The following PRUNE1 variants were observed in gnomAD, a reference collection of about 807,000 sequenced individuals.
PRUNE1 encodes the protein exopolyphosphatase PRUNE1.
Under a neutral mutation model 42.5 loss-of-function variants are expected in PRUNE1, and 25 were observed. The observed-to-expected ratio is 0.59, with a 90% CI of 0.43 to 0.82. The LOEUF is 0.82. Ranked by LOEUF, PRUNE1 falls within the 40% of genes least tolerant of loss-of-function variation. PRUNE1 has a pLI of 0.00. For missense variants in PRUNE1, 443 were observed against 539.3 expected, an observed-to-expected ratio of 0.82 and a Z score of 1.77; for synonymous variants, 203 against 217.1, an observed-to-expected ratio of 0.93 and a Z score of 0.57.
chr1:151,012,184 G>T (rs980914862), intron 1 of PRUNE1, among the ~76,000 whole-genome samples: 1 of 151,930 alleles, frequency 6.6e-6, no homozygotes, highest in East Asian at 1.9e-4. Context: ...TCCTCATGCT[G>T]CTAAGTATAG....
chr1:151,019,822 A>G (rs114755120), intron 3 of PRUNE1, among the ~76,000 whole-genome samples: 2,756 of 146,052 alleles, frequency 0.019, 99 homozygotes, highest in African/African-American at 0.066. Context: ...TTTTAATTTT[A>G]ATTTTAATTA....
At chr1:151,024,587 T>C in intron 3 of PRUNE1, 24 bp from the exon 4 acceptor site, 15 of 1,575,998 alleles carry the variant, frequency 9.5e-6, no homozygotes, top group African/African-American at 1.3e-5. Flanking sequence ...TTCTTCCTCT[T>C]TTCCCATACC....
rs1055463975 is a variant in PRUNE1 at position 151,027,208 on chromosome 1, C to G, written c.680-25C>G. The G allele has an allele frequency of 7.1e-6, 11 of 1,553,560 alleles. No individual in the cohort carries two copies. In the African/African-American group the frequency reaches 1.1e-4, roughly 15 times the overall value. ...GGGACCCTGGCCTACCCTGTTTGAC[C>G]CCTAGTCTCTCATCTGCTTTCTAGG... is the stretch of plus-strand genomic sequence containing the variant. On this transcript the variant is annotated intron_variant, in intron 5 of 7. Coordinates refer to ENST00000271620, the MANE Select transcript of PRUNE1 (RefSeq NM_021222.3).
chr1:151,016,159 C>A (rs3002292), intron 1 of PRUNE1, among the ~76,000 whole-genome samples: 7,171 of 152,102 alleles, frequency 0.047, 215 homozygotes, highest in Non-Finnish European at 0.073. Context: ...ATTGCTTGAA[C>A]CCAGGAGGTG....
Position 151,025,693 on chromosome 1 carries a change from T to G in PRUNE1, c.679+20T>G, listed in dbSNP as rs1674786660. The G allele has an allele frequency of 6.3e-7, 1 of 1,597,990 alleles. No individual in the cohort carries two copies. Among genetic ancestry groups the G allele is most frequent in the African/African-American group, 1.4e-5 (1 of 73,930 alleles). On this transcript the variant is annotated intron_variant, in intron 5 of 7. Transcript: ENST00000271620. The stretch of plus-strand genomic sequence containing the variant: ...TATCAGGTATGAAATGTTAGCTGAC[T>G]TTTCTGCCTCCCAGATAAGAAAACA...
intron 3 of PRUNE1, chr1:151,022,809 C>G (rs998706885): frequency 2.0e-5 from 3 of 152,064 alleles, no homozygotes; most frequent in African/African-American, 7.2e-5. Flanking sequence ...CTAATCTTCT[C>G]TGTGTCATTC....
Position 151,027,274 on chromosome 1 carries a change from A to G in PRUNE1, c.721A>G (p.Ile241Val). The change falls in exon 6 of 8, where the codon ATC becomes GTC. Residue 241 changes from isoleucine (I) to valine (V), a missense_variant. Ile to Val is a conservative substitution (Grantham distance 29). Coordinates refer to ENST00000271620, the MANE Select transcript of PRUNE1 (RefSeq NM_021222.3). ...GATGCTGAGAAAAGACCAGAAGACT[A>G]TCTATAGACAAGGCGTCAAGGTGGC... is the stretch of plus-strand genomic sequence containing the variant. ...EQMLRKDQKT[I>V]YRQGVKVAIS... is the part of the protein sequence containing the mutation. 1 of 1,611,894 alleles carries G rather than the reference A, an allele frequency of 6.2e-7. No individual in the cohort carries two copies. The highest frequency in any genetic ancestry group is 8.5e-7 in the Non-Finnish European group (1 of 1,178,068).
Position 151,024,812 on chromosome 1 carries a change from G to T in PRUNE1, c.520+17G>T, listed in dbSNP as rs368367937. The T allele has an allele frequency of 4.0e-5, 64 of 1,597,656 alleles. No individual in the cohort carries two copies. The highest frequency in any genetic ancestry group is 5.4e-5 in the Non-Finnish European group (63 of 1,171,030). On this transcript the variant is annotated intron_variant, in intron 4 of 7. Coordinates refer to ENST00000271620, the MANE Select transcript of PRUNE1 (RefSeq NM_021222.3). ...TTCTGCATGGTAAGGGTGGCTTTTGGATTGGGACCTCAGTAGTTCTATTCC... is the reference window on the plus strand; with the variant it reads ...TTCTGCATGGTAAGGGTGGCTTTTGTATTGGGACCTCAGTAGTTCTATTCC...
At chr1:151,014,106 A>C (rs1673950144) in intron 1 of PRUNE1, among the ~76,000 whole-genome samples, 1 of 151,896 alleles carries the variant, frequency 6.6e-6, no homozygotes, top group South Asian at 2.1e-4. Context: ...CAGCCTCCCG[A>C]GTAGCTGGGA....
At chr1:151,018,935 T>C (rs1474842634) in intron 3 of PRUNE1, among the ~76,000 whole-genome samples, 3 of 152,114 alleles carry the variant, frequency 2.0e-5, no homozygotes, top group Admixed American at 1.3e-4. Context: ...CCCAGCTACT[T>C]GGGAGGCTGA....
chr1:151,023,520 C>T (rs1421501502), intron 3 of PRUNE1, among the ~76,000 whole-genome samples: 4 of 151,548 alleles, frequency 2.6e-5, no homozygotes, highest in African/African-American at 7.3e-5. Context: ...GAGTTCGAGA[C>T]CAGCCTGGCC....
chr1:151,015,459 C>A (rs1674051081), intron 1 of PRUNE1, among the ~76,000 whole-genome samples: 1 of 151,678 alleles, frequency 6.6e-6, no homozygotes, highest in South Asian at 2.1e-4. Flanking sequence ...CATGGTGAAA[C>A]CCCGTCTCTA....
intron 1 of PRUNE1, among the ~76,000 whole-genome samples, chr1:151,017,597 A>G (rs1054183376): frequency 6.6e-6 from 1 of 152,068 alleles, no homozygotes; most frequent in African/African-American, 2.4e-5. Context: ...TTAGCTGGGC[A>G]TGGTGGCGCT....
chr1:151,020,233 T>TA (rs923545293), intron 3 of PRUNE1, among the ~76,000 whole-genome samples: 12 of 143,234 alleles, frequency 8.4e-5, no homozygotes, highest in Admixed American at 2.8e-4. Flanking sequence ...CCCTGTTCTC[T>TA]AAAAAAAAAT....
rs767769359 is a variant in PRUNE1, at chr1:151,024,658, G to C, written c.383G>C (p.Arg128Pro). 1.2e-6 allele frequency: 2 copies of C among 1,613,310 alleles called. No homozygotes were observed. Among genetic ancestry groups the C allele is most frequent in the East Asian group, 2.2e-5 (1 of 44,888 alleles). ...EEAVAEVLDHRPIEPKHCPPC... is the reference protein window; with the variant it reads ...EEAVAEVLDHPPIEPKHCPPC... ...GCAGTAGCAGAGGTGCTAGACCATCGACCCATCGAGCCGAAACACTGCCCT... is the reference window on the plus strand; with the variant it reads ...GCAGTAGCAGAGGTGCTAGACCATCCACCCATCGAGCCGAAACACTGCCCT... Residue 128 changes from arginine (R) to proline (P), a missense_variant, in exon 4 of 8, where the codon CGA (arginine) becomes CCA (proline). Physicochemically the swap from Arg to Pro is moderately radical, Grantham distance 103. Coordinates refer to ENST00000271620, the MANE Select transcript of PRUNE1 (RefSeq NM_021222.3).
intron 3 of PRUNE1, among the ~76,000 whole-genome samples, chr1:151,021,468 T>C (rs753075935): frequency 1.6e-4 from 24 of 152,146 alleles, no homozygotes; most frequent in Non-Finnish European, 2.9e-4. Context: ...AAAAAAATTT[T>C]TTTTAATCTA....
At chr1:151,017,474 C>T (rs1043627224) in intron 1 of PRUNE1, among the ~76,000 whole-genome samples, 18 of 151,950 alleles carry the variant, frequency 1.2e-4, no homozygotes, top group African/African-American at 4.4e-4. Context: ...ATGGAGAGGC[C>T]AGGCACAGTG....
intron 3 of PRUNE1, among the ~76,000 whole-genome samples, chr1:151,019,961 A>G (rs12045656): frequency 0.17 from 25,860 of 150,716 alleles, 2,610 homozygotes; most frequent in East Asian, 0.43. Flanking sequence ...TCTCCTGAGT[A>G]GCTGGGATTA....
chr1:151,012,355 G>T (rs1673822154), intron 1 of PRUNE1, among the ~76,000 whole-genome samples: 1 of 152,166 alleles, frequency 6.6e-6, no homozygotes, highest in South Asian at 2.1e-4. Context: ...CCCACACACG[G>T]TTTGCCCAGG....
Sources: allele counts gnomAD v4.1 joint callset (sites outside exome capture counted in the v4.1 genomes callset), GRCh38; gene constraint gnomAD v4.1.1; transcripts MANE v1.5; gene names NCBI Gene and HGNC (gene_info 2026-07-23, HGNC 2026-07-21).